SCIN: variants seen among roughly 807,000 people sequenced by gnomAD.
SCIN encodes the protein adseverin.
A neutral mutation model predicts 91.8 loss-of-function variants in SCIN; 91 were observed. The ratio of observed to expected loss-of-function variants is 0.99; its 90% confidence interval spans 0.84 to 1.18. SCIN has a LOEUF of 1.18. Among genes scored for constraint, SCIN ranks in the 50% most tolerant of loss-of-function variants. SCIN has a pLI of 0.00. For synonymous variants in SCIN, 367 were observed against 312.6 expected (o/e 1.17, Z -1.84); for missense variants, 1,087 against 863.9 (o/e 1.26, Z -3.24).
intron 4 of SCIN, among the ~76,000 whole-genome samples, chr7:12,612,815 C>T (rs1562615297): frequency 6.6e-6 from 1 of 152,186 alleles, no homozygotes; most frequent in Non-Finnish European, 1.5e-5. Flanking sequence ...ATAGTAACAG[C>T]TTATCATATG....
chr7:12,631,147 G>T lies in SCIN; in HGVS notation c.1319+1925G>T, dbSNP rs147375885. ...GACATATTAAAATAGAATAAATCAG[G>T]TTACAAATTTTAAATGCTAAATTTG... On this transcript the variant is annotated intron_variant, in intron 9 of 15. Coordinates refer to ENST00000297029, the MANE Select transcript of SCIN (RefSeq NM_001112706.3). Among the ~76,000 whole-genome samples, 472 of 152,260 alleles carry T rather than the reference G, an allele frequency of 3.1e-3. 3 individuals carry two copies. Among genetic ancestry groups the T allele is most frequent in the African/African-American group, 0.011 (448 of 41,540 alleles).
intron 10 of SCIN, 113 bp from the exon 11 acceptor site, chr7:12,640,234 T>G: frequency 1.1e-6 from 1 of 918,080 alleles, no homozygotes. Context: ...GCTCTTGACT[T>G]TTTATTTTTT....
At chr7:12,635,002 C>T (rs557520119) in intron 9 of SCIN, among the ~76,000 whole-genome samples, 6 of 151,806 alleles carry the variant, frequency 4.0e-5, no homozygotes, top group East Asian at 2.0e-4. Flanking sequence ...GCCTGACCAA[C>T]GTGGTGAAAC....
chr7:12,626,247 T>C, intron 7 of SCIN: 1 of 327,076 alleles, frequency 3.1e-6, no homozygotes, highest in Non-Finnish European at 5.6e-6. Flanking sequence ...TTTCCGAATC[T>C]CTCAGCCTCA....
intron 4 of SCIN, among the ~76,000 whole-genome samples, chr7:12,613,291 A>G (rs773248171): frequency 3.9e-5 from 6 of 152,184 alleles, no homozygotes; most frequent in Non-Finnish European, 8.8e-5. Context: ...AAACACAGAT[A>G]TAAAAGGGCC....
chr7:12,586,726 A>G (rs1421511809), intron 3 of SCIN, among the ~76,000 whole-genome samples: 1 of 152,206 alleles, frequency 6.6e-6, no homozygotes, highest in Non-Finnish European at 1.5e-5. Flanking sequence ...TATACACACA[A>G]TGGAACAATA....
chr7:12,625,611 G>A (rs1330305488), intron 6 of SCIN, 151 bp from the exon 7 acceptor site: 1 of 593,040 alleles, frequency 1.7e-6, no homozygotes. Context: ...TTACAGGCGT[G>A]AGCCACCGCA....
chr7:12,625,174 A>G (rs1264142576), intron 6 of SCIN, 32 bp downstream of exon 6: 1 of 1,571,668 alleles, frequency 6.4e-7, no homozygotes, highest in Non-Finnish European at 8.6e-7. Context: ...GCTGTATTTC[A>G]GATTTATAGA....
Position 12,578,129 on chromosome 7 carries a change from T to C in SCIN, c.265T>C (p.Leu89=). The C allele has an allele frequency of 6.4e-7, 1 of 1,551,218 alleles. No homozygotes were observed. The highest frequency in any genetic ancestry group is 8.7e-7 in the Non-Finnish European group (1 of 1,146,662). Residue 89 remains leucine (L), a synonymous_variant, in exon 2 of 16, where the codon TTG becomes CTG. Coordinates refer to ENST00000297029, the MANE Select transcript of SCIN (RefSeq NM_001112706.3). The part of the protein sequence containing the change: ...AIFTVQMDDY[L]GGKPVQNREL... ...CTTCACTGTTCAGATGGATGACTAT[T>C]TGGGTGGCAAGCCAGTGCAGAATAG...
Position 12,626,696 on chromosome 7 carries a change from T to C in SCIN, c.1094T>C (p.Val365Ala). 6.3e-7 allele frequency: 1 copy of C among 1,591,972 alleles called. No homozygotes were observed. Among genetic ancestry groups the C allele is most frequent in the Non-Finnish European group, 8.6e-7 (1 of 1,168,632 alleles). ...GFGKVYVTEK[V>A]AQIKQIPFDA... ...GGGAAAGTTTATGTCACAGAGAAAGTGGCTCAAATAAAACAAATTCCCTTT... is the reference window on the plus strand; with the variant it reads ...GGGAAAGTTTATGTCACAGAGAAAGCGGCTCAAATAAAACAAATTCCCTTT... Residue 365 changes from valine to alanine, a missense_variant, in exon 8 of 16, where the codon GTG (valine) becomes GCG (alanine). Val to Ala is a moderately conservative substitution (Grantham distance 64). Transcript: ENST00000297029.
intron 3 of SCIN, among the ~76,000 whole-genome samples, chr7:12,585,447 C>T (rs779832031): frequency 6.6e-6 from 1 of 152,146 alleles, no homozygotes; most frequent in Non-Finnish European, 1.5e-5. Context: ...CTCATCCCCA[C>T]CCAGAGCTTC....
intron 8 of SCIN, among the ~76,000 whole-genome samples, chr7:12,628,224 C>T (rs1783570834): frequency 6.6e-6 from 1 of 152,154 alleles, no homozygotes; most frequent in African/African-American, 2.4e-5. Flanking sequence ...TTTCTCCCAG[C>T]ATCACATTTC....
chr7:12,594,256 A>G (rs1013843861), intron 3 of SCIN, among the ~76,000 whole-genome samples: 1 of 151,978 alleles, frequency 6.6e-6, no homozygotes, highest in Admixed American at 6.6e-5. Context: ...GAGGATCATG[A>G]TGCTGTCGAG....
chr7:12,646,599 C>G (rs766938277), intron 13 of SCIN, among the ~76,000 whole-genome samples: 1 of 152,080 alleles, frequency 6.6e-6, no homozygotes. Flanking sequence ...GAACCACAGC[C>G]TCTCACCTAA....
At chr7:12,573,296 G>A (rs1782305568) in intron 1 of SCIN, among the ~76,000 whole-genome samples, 1 of 152,074 alleles carries the variant, frequency 6.6e-6, no homozygotes. Context: ...AAATCAGCCG[G>A]AAGAAAGAGA....
intron 5 of SCIN, 72 bp from the exon 6 acceptor site, chr7:12,624,938 T>G (rs1457824154): frequency 2.1e-6 from 3 of 1,456,108 alleles, no homozygotes; most frequent in African/African-American, 2.8e-5. Flanking sequence ...GTACAACCAT[T>G]ACCATAATCT....
chr7:12,645,509 A>T (rs151080781), intron 13 of SCIN, among the ~76,000 whole-genome samples: 162 of 152,182 alleles, frequency 1.1e-3, no homozygotes, highest in African/African-American at 3.7e-3. Flanking sequence ...TTTTATTTTA[A>T]GTTCAGGGGT....
chr7:12,570,941 C>A lies in SCIN; in HGVS notation c.155C>A (p.Ala52Asp), dbSNP rs755509113. 1 of 1,551,382 alleles carries A rather than the reference C, an allele frequency of 6.4e-7. No individual in the cohort carries two copies. The highest frequency in any genetic ancestry group is 2.4e-5 in the East Asian group (1 of 40,878). The change falls in exon 1 of 16, where the codon GCC becomes GAC. Residue 52 changes from alanine to aspartate, a missense_variant. By Grantham distance (126) the Ala-to-Asp change is moderately radical (BLOSUM62 -2). Coordinates refer to ENST00000297029, the MANE Select transcript of SCIN (RefSeq NM_001112706.3). Reference protein sequence around the residue: ...VGDAYLVLHTAKTSRGFTYHL... With the variant: ...VGDAYLVLHTDKTSRGFTYHL... The stretch of plus-strand genomic sequence containing the variant: ...GATGCCTACCTGGTGCTGCACACGG[C>A]CAAGACGAGCCGAGGCTTCACCTAC...
chr7:12,597,344 C>A (rs193042304), intron 3 of SCIN, among the ~76,000 whole-genome samples: 3 of 152,052 alleles, frequency 2.0e-5, no homozygotes, highest in Non-Finnish European at 4.4e-5. Context: ...CAATAGATGC[C>A]AGGAAGAGGA....
Sources: allele counts gnomAD v4.1 joint callset (sites outside exome capture counted in the v4.1 genomes callset), GRCh38; gene constraint gnomAD v4.1.1; transcripts MANE v1.5; gene names NCBI Gene and HGNC (gene_info 2026-07-23, HGNC 2026-07-21).